Variants in BLTP2 observed in about 807,000 individuals in gnomAD.
BLTP2 encodes U937-associated antigen.
the BLTP2 span, chr17:28,617,042 C>G: frequency 6.8e-7 from 1 of 1,468,026 alleles, no homozygotes; most frequent in Non-Finnish European, 9.4e-7. Flanking sequence ...CAATGTCCTT[C>G]CTGCCATAAA....
At chr17:28,640,432 T>C in the BLTP2 span, 6 of 972,674 alleles carry the variant, frequency 6.2e-6, no homozygotes, top group East Asian at 1.5e-4. Context: ...CCACACTACA[T>C]GGATGTAACC....
the BLTP2 span, chr17:28,621,403 G>T: frequency 1.9e-6 from 3 of 1,613,308 alleles, no homozygotes; most frequent in Non-Finnish European, 2.5e-6. Context: ...GCTGACCTGT[G>T]GTTGTGGTAA....
chr17:28,644,659 C>A, the BLTP2 span, among the ~76,000 whole-genome samples: 2 of 152,212 alleles, frequency 1.3e-5, no homozygotes, highest in African/African-American at 4.8e-5. Context: ...TCGCGCTTGG[C>A]GAAAGGGACA....
At chr17:28,638,141 G>A in the BLTP2 span, 2 of 1,603,564 alleles carry the variant, frequency 1.2e-6, no homozygotes, top group East Asian at 2.2e-5. Flanking sequence ...CAGGCGCACA[G>A]TTTTATAATG....
At chr17:28,634,226 C>T in the BLTP2 span, 1 of 781,158 alleles carries the variant, frequency 1.3e-6, no homozygotes, top group East Asian at 2.7e-5. Flanking sequence ...GTTGACACAG[C>T]AAGCTGAAAA....
the BLTP2 span, chr17:28,643,418 TCA>T: frequency 6.8e-7 from 1 of 1,479,792 alleles, no homozygotes; most frequent in East Asian, 2.3e-5. Flanking sequence ...ATAGCTCAAA[TCA>T]CAGAGATTAG....
At chr17:28,635,175 G>T in the BLTP2 span, 1 of 1,613,938 alleles carries the variant, frequency 6.2e-7, no homozygotes, top group South Asian at 1.1e-5. Flanking sequence ...CAGGGAAGGG[G>T]TTCCGGTGGA....
At chr17:28,616,815 C>T in the BLTP2 span, 5 of 1,609,890 alleles carry the variant, frequency 3.1e-6, no homozygotes, top group Non-Finnish European at 4.2e-6. This position sits in a 1 kb window ranked among gnomAD's most constrained non-coding sequence, Gnocchi z 4.8. Context: ...TTTACCTACT[C>T]CTAATATCGT....
At chr17:28,644,969 G>C in the BLTP2 span, 6 of 1,560,502 alleles carry the variant, frequency 3.8e-6, no homozygotes, top group Admixed American at 5.8e-5. Flanking sequence ...GCCGCCGCCG[G>C]CGCGGCCGGG....
the BLTP2 span, among the ~76,000 whole-genome samples, chr17:28,625,114 G>C: frequency 6.6e-6 from 1 of 152,064 alleles, no homozygotes; most frequent in Non-Finnish European, 1.5e-5. Flanking sequence ...GAAGTGGGCA[G>C]ATCACGAGGT....
the BLTP2 span, chr17:28,633,793 AC>A: frequency 2.5e-6 from 4 of 1,601,324 alleles, no homozygotes; most frequent in South Asian, 4.4e-5. Context: ...TCACAACATT[AC>A]CCCTCTCTTC....
the BLTP2 span, chr17:28,640,060 G>A: frequency 1.4e-4 from 223 of 1,607,854 alleles, 3 homozygotes; most frequent in South Asian, 2.3e-3. Context: ...AGGAAGATGT[G>A]GAATGCCATT....
At chr17:28,632,204 T>C in the BLTP2 span, 1 of 1,612,518 alleles carries the variant, frequency 6.2e-7, no homozygotes, top group African/African-American at 1.3e-5. Flanking sequence ...CAGCGCAGGG[T>C]ACTACTATAT....
the BLTP2 span, chr17:28,639,737 C>T: frequency 7.1e-7 from 1 of 1,418,060 alleles, no homozygotes; most frequent in Non-Finnish European, 1.0e-6. Flanking sequence ...GATCAACAGA[C>T]TGTCATCAAA....
the BLTP2 span, chr17:28,635,574 G>A: frequency 3.1e-6 from 5 of 1,613,908 alleles, no homozygotes; most frequent in Non-Finnish European, 4.2e-6. Context: ...GATCTGGGGG[G>A]CTCCAAAGTA....
the BLTP2 span, chr17:28,635,582 G>T: frequency 6.2e-7 from 1 of 1,613,844 alleles, no homozygotes; most frequent in African/African-American, 1.3e-5. Context: ...GGGCTCCAAA[G>T]TAAGGTCAGC....
the BLTP2 span, chr17:28,633,251 C>T: frequency 6.2e-7 from 1 of 1,600,198 alleles, no homozygotes. Flanking sequence ...AGCCCCTCAT[C>T]CCATGGAGGA....
At chr17:28,640,489 C>T in the BLTP2 span, 1 of 1,512,650 alleles carries the variant, frequency 6.6e-7, no homozygotes, top group Non-Finnish European at 9.2e-7. Flanking sequence ...AAATACTAGG[C>T]TGGTTACAGA....
At chr17:28,639,590 G>A in the BLTP2 span, 20 of 1,614,018 alleles carry the variant, frequency 1.2e-5, no homozygotes, top group Non-Finnish European at 1.6e-5. Context: ...CACTAGCCTT[G>A]AGGGAGTTGA....
Sources: gnomAD v4.1 joint callset for allele counts (sites outside exome capture counted in the v4.1 genomes callset) on GRCh38, gnomAD v4.1.1 for gene constraint, Gnocchi (gnomAD v3.1) non-coding constraint, MANE v1.5 for transcripts, NCBI Gene and HGNC (gene_info 2026-07-23, HGNC 2026-07-21) for gene names.